Variants in GMEB2 observed in about 807,000 individuals in gnomAD.
GMEB2 encodes glucocorticoid modulatory element-binding protein 2.
In GMEB2, 7 loss-of-function variants were observed where a neutral mutation model predicts 45.7. That is an observed-to-expected ratio of 0.15 (90% CI 0.09 to 0.29). The LOEUF (loss-of-function observed/expected upper bound fraction) is 0.29. Among genes scored for constraint, GMEB2 ranks in the 10% least tolerant of loss-of-function variants. The probability of loss-of-function intolerance (pLI) is 1.00; values close to 1 mark genes in which losing one functional copy is unlikely to be tolerated. For missense variants in GMEB2, 582 were observed against 739.2 expected, an observed-to-expected ratio of 0.79 and a Z score of 2.47; for synonymous variants, 322 against 323.6, an observed-to-expected ratio of 1.00 and a Z score of 0.05.
At chr20:63,613,516 G>C (rs1426368974) in intron 2 of GMEB2, among the ~76,000 whole-genome samples, 6 of 136,850 alleles carry the variant, frequency 4.4e-5, no homozygotes, top group Non-Finnish European at 9.6e-5. Context: ...CAACATTTTT[G>C]TTTTCTTTTT....
chr20:63,620,088 C>A (rs1299546841), intron 1 of GMEB2, among the ~76,000 whole-genome samples: 1 of 152,208 alleles, frequency 6.6e-6, no homozygotes, highest in Non-Finnish European at 1.5e-5. Flanking sequence ...GCTGGGATTA[C>A]AGGTTTCACC....
rs1201892157 is a variant in GMEB2, at chr20:63,588,619, G to C, written c.*1470C>G. On this transcript the variant is annotated 3_prime_UTR_variant, in exon 10 of 10. Transcript: ENST00000370077. Reference sequence around the variant, plus strand: ...ACAGGGCCCTGGTGACAATGGCGCAGAGGTGGGGTCTGGGCCGCTCACTGG... The same window carrying C: ...ACAGGGCCCTGGTGACAATGGCGCACAGGTGGGGTCTGGGCCGCTCACTGG... The C allele has an allele frequency of 7.5e-6, 3 of 397,834 alleles. No homozygotes were observed. Among genetic ancestry groups the C allele is most frequent in the Non-Finnish European group, 1.3e-5 (3 of 226,096 alleles). 24.6% of individuals were successfully genotyped at this position (397,834 alleles called of 1,614,324 possible). A position where few individuals can be genotyped will look rare whatever the true frequency, so the allele number is the denominator to read the frequency against.
chr20:63,607,516 T>C (rs2089531021), intron 2 of GMEB2, among the ~76,000 whole-genome samples: 1 of 22,150 alleles, frequency 4.5e-5, no homozygotes, highest in Admixed American at 2.5e-4. Context: ...ACACATCCAT[T>C]TCTAGAAACA....
chr20:63,590,134 G>A lies in GMEB2; in HGVS notation c.1548C>T (p.Ala516=). ...CTGCCATGGCAGCCACCTCAATGGTGGCCGTGTGCTCCTCAGGCCCGGGGG... is the reference window on the plus strand; with the variant it reads ...CTGCCATGGCAGCCACCTCAATGGTAGCCGTGTGCTCCTCAGGCCCGGGGG... ...GAAPGPEEHT[A]TIEVAAMAED... Residue 516 remains alanine, a synonymous_variant, in exon 10 of 10, where the codon GCC becomes GCT. Coordinates refer to ENST00000370077, the MANE Select transcript of GMEB2 (RefSeq NM_012384.5). 6.5e-7 allele frequency: 1 copy of A among 1,542,716 alleles called. No homozygotes were observed. Among genetic ancestry groups the A allele is most frequent in the Non-Finnish European group, 8.7e-7 (1 of 1,143,422 alleles).
intron 2 of GMEB2, among the ~76,000 whole-genome samples, chr20:63,612,037 C>T (rs2089575165): frequency 1.3e-5 from 2 of 152,192 alleles, no homozygotes; most frequent in South Asian, 2.1e-4. Context: ...GTCTGTGCAA[C>T]AGAACGAGAC....
chr20:63,595,217 G>A (rs907519154), intron 6 of GMEB2, among the ~76,000 whole-genome samples: 9 of 150,022 alleles, frequency 6.0e-5, no homozygotes, highest in African/African-American at 9.8e-5. Flanking sequence ...GAGCACAGGC[G>A]CGCAGTTCCG....
intron 9 of GMEB2, among the ~76,000 whole-genome samples, 199 bp downstream of exon 9, chr20:63,591,823 G>A (rs2083149507): frequency 6.6e-6 from 1 of 152,218 alleles, no homozygotes; most frequent in African/African-American, 2.4e-5. Flanking sequence ...GTAAATGTAA[G>A]CTTAGTGCAA....
At chr20:63,591,961 C>T (rs2083150542) in intron 9 of GMEB2, 61 bp downstream of exon 9, 20 of 1,487,376 alleles carry the variant, frequency 1.3e-5, no homozygotes, top group Admixed American at 1.9e-5. Context: ...GGGGTGAGCC[C>T]GTGGGCTCCA....
At chr20:63,612,758 C>G (rs969181608) in intron 2 of GMEB2, among the ~76,000 whole-genome samples, 1 of 148,928 alleles carries the variant, frequency 6.7e-6, no homozygotes, top group African/African-American at 2.5e-5. Context: ...CCGAGCCTAC[C>G]TGTGCCTCAG....
At chr20:63,616,566 C>G (rs1429302724) in intron 2 of GMEB2, among the ~76,000 whole-genome samples, 2 of 152,248 alleles carry the variant, frequency 1.3e-5, no homozygotes, top group Non-Finnish European at 2.9e-5. Context: ...TGCGCGCAGA[C>G]GCAGAGAGCA....
rs540191956 is a variant in GMEB2 at position 63,588,471 on chromosome 20, T to C, written c.*1618A>G. 34 of 325,430 alleles carry C rather than the reference T, an allele frequency of 1.0e-4. No homozygotes were observed. The highest frequency in any genetic ancestry group is 6.6e-4 in the African/African-American group (31 of 47,206). The allele number at this position is 325,430 out of a possible 1,614,324, so 20.2% of individuals were successfully genotyped here. A position where few individuals can be genotyped will look rare whatever the true frequency, so the allele number is the denominator to read the frequency against. On this transcript the variant is annotated 3_prime_UTR_variant, in exon 10 of 10. Transcript: ENST00000370077. ...GTGGAAATGAGTTTAAAACGGAGTATGTACATCAAAAGATCAACATCACGC... is the reference window on the plus strand; with the variant it reads ...GTGGAAATGAGTTTAAAACGGAGTACGTACATCAAAAGATCAACATCACGC...
At position 63,588,570 on chromosome 20, in the gene GMEB2, T is replaced by A. The variant is rs1453268245; in HGVS notation, c.*1519A>T. ...ACAAACAAGACACAGCCTCAGTAGCTTGACATGGGTGAGGGCAGCCAGGAC... is the reference window on the plus strand; with the variant it reads ...ACAAACAAGACACAGCCTCAGTAGCATGACATGGGTGAGGGCAGCCAGGAC... On this transcript the variant is annotated 3_prime_UTR_variant, in exon 10 of 10. Transcript: ENST00000370077. The A allele has an allele frequency of 5.0e-6, 2 of 397,458 alleles. No individual in the cohort carries two copies. Among genetic ancestry groups the A allele is most frequent in the Non-Finnish European group, 8.9e-6 (2 of 225,886 alleles). 24.6% of individuals were successfully genotyped at this position (397,458 alleles called of 1,614,324 possible). A position where few individuals can be genotyped will look rare whatever the true frequency, so the allele number is the denominator to read the frequency against.
At chr20:63,602,924 T>A (rs1162453947) in intron 4 of GMEB2, 41 bp downstream of exon 4, 8 of 1,591,596 alleles carry the variant, frequency 5.0e-6, no homozygotes, top group Non-Finnish European at 5.2e-6. Context: ...ACAGACACCA[T>A]GAGGCCTCTC....
intron 4 of GMEB2, among the ~76,000 whole-genome samples, chr20:63,598,970 T>C (rs2083220703): frequency 6.6e-6 from 1 of 152,186 alleles, no homozygotes; most frequent in African/African-American, 2.4e-5. Flanking sequence ...GGCCTGCCTC[T>C]TTCCTTTCTT....
intron 4 of GMEB2, among the ~76,000 whole-genome samples, chr20:63,601,162 T>C (rs935968924): frequency 1.3e-5 from 2 of 152,230 alleles, no homozygotes; most frequent in African/African-American, 2.4e-5. Context: ...GAGATAGGTA[T>C]ATAGACTCAT....
intron 5 of GMEB2, 110 bp from the exon 6 acceptor site, chr20:63,595,877 G>C: frequency 1.1e-6 from 1 of 905,932 alleles, no homozygotes. Flanking sequence ...CCTAGCAGAG[G>C]CGCTGGCAGC....
At chr20:63,601,969 G>A (rs1325209681) in intron 4 of GMEB2, among the ~76,000 whole-genome samples, 1 of 151,206 alleles carries the variant, frequency 6.6e-6, no homozygotes, top group Admixed American at 6.6e-5. Flanking sequence ...CTTCTGTGCT[G>A]CCTGTGGCTT....
Position 63,590,747 on chromosome 20 carries a change from T to G in GMEB2, c.953-18A>C. On this transcript the variant is annotated intron_variant, in intron 9 of 9. Transcript: ENST00000370077. ...CTCCAGGGCTGCAGGGAGGTACAGA[T>G]GGCATCACACAGGGGACGGGGGCAT... 2.1e-6 allele frequency: 3 copies of G among 1,451,832 alleles called. No individual in the cohort carries two copies. The highest frequency in any genetic ancestry group is 1.5e-5 in the South Asian group (1 of 68,144). 89.9% of individuals were successfully genotyped at this position (1,451,832 alleles called of 1,614,324 possible).
intron 2 of GMEB2, among the ~76,000 whole-genome samples, chr20:63,607,744 C>T (rs1195525051): frequency 4.4e-5 from 1 of 22,544 alleles, no homozygotes; most frequent in East Asian, 5.4e-4. Context: ...GCCCCTCTGA[C>T]CCCACATCCA....
Sources: gnomAD v4.1 joint callset for allele counts (sites outside exome capture counted in the v4.1 genomes callset) on GRCh38, gnomAD v4.1.1 for gene constraint, MANE v1.5 for transcripts, NCBI Gene and HGNC (gene_info 2026-07-23, HGNC 2026-07-21) for gene names.